The following FNDC3A variants were observed in gnomAD, a reference collection of about 807,000 sequenced individuals.
The protein encoded by FNDC3A is fibronectin type III domain containing 3A, also known as fibronectin type-III domain-containing protein 3A.
FNDC3A carries 32 observed loss-of-function variants against 148.9 expected under a neutral mutation model. That is an observed-to-expected ratio of 0.21 (90% CI 0.16 to 0.29). FNDC3A has a LOEUF of 0.29. Among genes scored for constraint, FNDC3A ranks in the 10% least tolerant of loss-of-function variants. The pLI is 1.00. For synonymous variants in FNDC3A, 472 were observed against 473.6 expected (o/e 1.00, Z 0.04); for missense variants, 1,191 against 1,452.8 (o/e 0.82, Z 2.93).
At chr13:49,175,340 G>A (rs1884974753) in intron 12 of FNDC3A, 27 bp from the exon 13 acceptor site, 2 of 1,490,688 alleles carry the variant, frequency 1.3e-6, no homozygotes, top group African/African-American at 1.4e-5. Flanking sequence ...ACTTTTTCAT[G>A]CCTTTTAAAA....
intron 2 of FNDC3A, among the ~76,000 whole-genome samples, chr13:49,015,662 G>A (rs996733377): frequency 2.9e-4 from 44 of 152,260 alleles, no homozygotes; most frequent in East Asian, 1.9e-4. Flanking sequence ...GAGAGAGGAG[G>A]GCATCCCTGT....
chr13:49,131,319 C>G lies in FNDC3A; in HGVS notation c.435C>G (p.Asp145Glu). ...HMYSPVTGAG[D>E]MTTQYMPQYQ... is the part of the protein sequence containing the mutation. Reference sequence around the variant, plus strand: ...ACTCACCCGTGACTGGAGCTGGAGACATGACAACACAGTATATGCCACAGT... The same window carrying G: ...ACTCACCCGTGACTGGAGCTGGAGAGATGACAACACAGTATATGCCACAGT... The change falls in exon 5 of 26, where the codon GAC (aspartate) becomes GAG (glutamate). Residue 145 changes from aspartate to glutamate, a missense_variant. Physicochemically the swap from Asp to Glu is conservative, Grantham distance 45 (BLOSUM62 2). This residue lies in a region of FNDC3A where 426 missense variants were observed against 473.2 expected (regional missense o/e 0.90). Transcript: ENST00000492622. 1 of 1,614,060 alleles carries G rather than the reference C, an allele frequency of 6.2e-7. No homozygotes were observed. Among genetic ancestry groups the G allele is most frequent in the Non-Finnish European group, 8.5e-7 (1 of 1,179,984 alleles).
At chr13:49,167,108 G>A in intron 8 of FNDC3A, 136 bp from the exon 9 acceptor site, 1 of 504,884 alleles carries the variant, frequency 2.0e-6, no homozygotes, top group East Asian at 3.3e-5. Context: ...TTCCATATTA[G>A]TGGAATCTGA....
intron 4 of FNDC3A, among the ~76,000 whole-genome samples, chr13:49,124,144 T>C (rs1006404887): frequency 2.6e-5 from 4 of 152,154 alleles, no homozygotes; most frequent in African/African-American, 9.7e-5. Context: ...ATATACACCA[T>C]GGAATAGTGT....
At chr13:49,197,014 T>C (rs1463821504) in intron 20 of FNDC3A, 24 bp downstream of exon 20, 1 of 1,353,404 alleles carries the variant, frequency 7.4e-7, no homozygotes, top group Non-Finnish European at 1.0e-6. Context: ...CATTGACTTG[T>C]ATCTACTTTC....
At chr13:49,150,260 T>C (rs900127819) in intron 8 of FNDC3A, among the ~76,000 whole-genome samples, 1 of 152,152 alleles carries the variant, frequency 6.6e-6, no homozygotes, top group African/African-American at 2.4e-5. Flanking sequence ...TCTGCACCAC[T>C]GCACCTGGCT....
intron 1 of FNDC3A, among the ~76,000 whole-genome samples, chr13:49,003,928 T>TA (rs1259639099): frequency 1.3e-5 from 2 of 152,220 alleles, no homozygotes; most frequent in Admixed American, 1.3e-4. Flanking sequence ...TCAACAGTGA[T>TA]ATGCTGGAGC....
chr13:49,115,140 A>AT (rs769966884), intron 4 of FNDC3A, among the ~76,000 whole-genome samples: 6 of 147,206 alleles, frequency 4.1e-5, no homozygotes, highest in Non-Finnish European at 7.5e-5. Context: ...ATTGCATGGC[A>AT]TATTGTGTTC....
At chr13:49,150,486 A>AT (rs933626174) in intron 8 of FNDC3A, among the ~76,000 whole-genome samples, 29 of 150,210 alleles carry the variant, frequency 1.9e-4, no homozygotes, top group African/African-American at 4.6e-4. Context: ...TGTTCCAAGA[A>AT]TTTTTTTTTT....
chr13:49,065,283 C>T (rs1033719759), intron 2 of FNDC3A, among the ~76,000 whole-genome samples: 4 of 152,066 alleles, frequency 2.6e-5, no homozygotes, highest in Non-Finnish European at 4.4e-5. Flanking sequence ...CTCAGGAACC[C>T]AGGAGGGAAC....
intron 3 of FNDC3A, among the ~76,000 whole-genome samples, chr13:49,078,093 A>G (rs1878235215): frequency 6.6e-6 from 1 of 152,198 alleles, no homozygotes; most frequent in Admixed American, 6.5e-5. Context: ...CTAATACAGC[A>G]TTGATCTTTT....
intron 2 of FNDC3A, among the ~76,000 whole-genome samples, chr13:49,019,521 G>T (rs1316696279): frequency 6.6e-6 from 1 of 152,184 alleles, no homozygotes; most frequent in Non-Finnish European, 1.5e-5. Context: ...CTAGTGAGAT[G>T]AACCCGGTAC....
intron 3 of FNDC3A, among the ~76,000 whole-genome samples, chr13:49,096,253 T>G (rs1879517946): frequency 6.6e-6 from 1 of 152,122 alleles, no homozygotes; most frequent in Non-Finnish European, 1.5e-5. Context: ...TGTTATTTTC[T>G]CTATGGCTCC....
Position 49,006,169 on chromosome 13 carries a change from G to T in FNDC3A, c.-22G>T, listed in dbSNP as rs779946795. On this transcript the variant is annotated 5_prime_UTR_variant, in exon 2 of 26. Transcript: ENST00000492622. ...TTTTTCAGAATTGGAGCGTTATTCAGTATATTAATGTCTTATTGATAATGG... is the reference window on the plus strand; with the variant it reads ...TTTTTCAGAATTGGAGCGTTATTCATTATATTAATGTCTTATTGATAATGG... 7.6e-7 allele frequency: 1 copy of T among 1,323,628 alleles called. No individual in the cohort carries two copies. The highest frequency in any genetic ancestry group is 1.8e-5 in the Admixed American group (1 of 56,868). The allele number at this position is 1,323,628 out of a possible 1,614,324, so 82.0% of individuals were successfully genotyped here.
At chr13:48,977,363 A>G (rs1184461005) in intron 1 of FNDC3A, among the ~76,000 whole-genome samples, 7 of 152,246 alleles carry the variant, frequency 4.6e-5, no homozygotes, top group Non-Finnish European at 7.3e-5. Flanking sequence ...TTTTATCACC[A>G]TGCTGTTACC....
intron 2 of FNDC3A, among the ~76,000 whole-genome samples, chr13:49,040,658 T>G (rs952539830): frequency 6.6e-6 from 1 of 152,188 alleles, no homozygotes; most frequent in African/African-American, 2.4e-5. Flanking sequence ...TCTATGAAAT[T>G]TAAAGATATT....
At chr13:49,058,393 G>A (rs752757654) in intron 2 of FNDC3A, among the ~76,000 whole-genome samples, 27 of 152,144 alleles carry the variant, frequency 1.8e-4, no homozygotes, top group Non-Finnish European at 3.4e-4. Flanking sequence ...GTGGTGCAGG[G>A]CTGTCTGCTT....
intron 3 of FNDC3A, among the ~76,000 whole-genome samples, chr13:49,082,050 A>G (rs1273786576): frequency 6.6e-6 from 1 of 152,030 alleles, no homozygotes; most frequent in African/African-American, 2.4e-5. Context: ...AATAAATGTC[A>G]AACTCAAGAA....
intron 3 of FNDC3A, among the ~76,000 whole-genome samples, chr13:49,076,251 C>CT (rs551461270): frequency 1.2e-3 from 174 of 146,754 alleles, no homozygotes; most frequent in African/African-American, 2.2e-3. Flanking sequence ...TCTGTAAGTA[C>CT]TTTTTTTTTT....
Sources: gnomAD v4.1 joint callset for allele counts (sites outside exome capture counted in the v4.1 genomes callset) on GRCh38, gnomAD v4.1.1 for gene constraint, gnomAD v4.1.1 regional missense constraint, MANE v1.5 for transcripts, NCBI Gene and HGNC (gene_info 2026-07-23, HGNC 2026-07-21) for gene names.